DPYD: variants seen among roughly 807,000 people sequenced by gnomAD.
DPYD encodes the protein dihydropyrimidine dehydrogenase [NADP(+)].
Under a neutral mutation model 116.2 loss-of-function variants are expected in DPYD, and 109 were observed. The observed-to-expected ratio is 0.94, with a 90% CI of 0.80 to 1.10. The LOEUF is 1.10. DPYD is among the 50% of genes least tolerant of loss of function. The pLI, the probability that DPYD is intolerant of heterozygous loss-of-function variation, is 0.00. For missense variants in DPYD, 1,302 were observed against 1,254.5 expected (o/e 1.04, Z -0.57); for synonymous variants, 440 against 432.0 (o/e 1.02, Z -0.23).
rs984858263 is a variant in DPYD, at chr1:97,234,995, C to G, written c.2300-1G>C. On this transcript the variant is annotated splice_acceptor_variant, in intron 18 of 22. Transcript: ENST00000370192. LOFTEE classifies it high-confidence loss of function. Reference sequence around the variant, plus strand: ...AAAGCAATAGGTCTGATTGCTGTCCCTACACAAAATCAGAATAATCAATGG... The same window carrying G: ...AAAGCAATAGGTCTGATTGCTGTCCGTACACAAAATCAGAATAATCAATGG... 6.2e-7 allele frequency: 1 copy of G among 1,613,984 alleles called. No individual in the cohort carries two copies. Among genetic ancestry groups the G allele is most frequent in the African/African-American group, 1.3e-5 (1 of 74,914 alleles).
intron 2 of DPYD, among the ~76,000 whole-genome samples, chr1:97,832,819 T>C (rs1315549775): frequency 6.6e-6 from 1 of 152,002 alleles, no homozygotes; most frequent in Non-Finnish European, 1.5e-5. Flanking sequence ...AAAAGTATAA[T>C]GAAACAAGTA....
At chr1:97,200,739 C>A (rs905028256) in intron 19 of DPYD, among the ~76,000 whole-genome samples, 7 of 152,122 alleles carry the variant, frequency 4.6e-5, no homozygotes, top group Non-Finnish European at 8.8e-5. Flanking sequence ...GGAATTTAGA[C>A]TTTTTTTCAG....
At chr1:97,512,890 A>T (rs67124481) in intron 13 of DPYD, among the ~76,000 whole-genome samples, 3,067 of 151,954 alleles carry the variant, frequency 0.02, 126 homozygotes, top group African/African-American at 0.07. Flanking sequence ...TGTTATTTTG[A>T]AACATTCTTG....
At chr1:97,440,304 TTTAATTGCG>T (rs1675704431) in intron 14 of DPYD, among the ~76,000 whole-genome samples, 1 of 151,950 alleles carries the variant, frequency 6.6e-6, no homozygotes, top group Admixed American at 6.6e-5. Context: ...ATCTCTGCCC[TTTAATTGCG>T]GTGCTTAGAC....
At chr1:97,590,099 A>G (rs975685821) in intron 10 of DPYD, among the ~76,000 whole-genome samples, 4 of 152,166 alleles carry the variant, frequency 2.6e-5, no homozygotes, top group African/African-American at 9.7e-5. Flanking sequence ...TAGCACTGCA[A>G]TATTTTGGCT....
At chr1:97,334,792 A>G (rs536845736) in intron 16 of DPYD, among the ~76,000 whole-genome samples, 5 of 152,290 alleles carry the variant, frequency 3.3e-5, no homozygotes, top group South Asian at 2.1e-4. Context: ...GTCATTTTGG[A>G]TATCAGTGCT....
At position 97,299,839 on chromosome 1, in the gene DPYD, G is replaced by C. The variant is rs185053950; in HGVS notation, c.2299+5420C>G. On this transcript the variant is annotated intron_variant, in intron 18 of 22. Coordinates refer to ENST00000370192, the MANE Select transcript of DPYD (RefSeq NM_000110.4). ...GTCAAAAATCTATTATTAGGGCCCT[G>C]GTCTCCTGCACAGACCAACGATGGC... Among the ~76,000 whole-genome samples, 638 of 152,068 alleles carry C rather than the reference G, an allele frequency of 4.2e-3. 10 individuals are homozygous for C. The highest frequency in any genetic ancestry group is 0.015 in the African/African-American group (612 of 41,510).
chr1:97,184,493 T>G (rs1245667195), intron 20 of DPYD, among the ~76,000 whole-genome samples: 1 of 152,108 alleles, frequency 6.6e-6, no homozygotes, highest in Non-Finnish European at 1.5e-5. Flanking sequence ...AGTGTGCTTT[T>G]ATTTGCATTT....
At chr1:97,264,160 CTGTTTTTTTTT>C (rs1194455443) in intron 18 of DPYD, among the ~76,000 whole-genome samples, 19 of 49,894 alleles carry the variant, frequency 3.8e-4, no homozygotes, top group African/African-American at 1.3e-3. Context: ...TAGCAAAATT[CTGTTTTTTTTT>C]TTTTTTTTTT....
At chr1:97,307,161 T>C (rs1327093229) in intron 16 of DPYD, among the ~76,000 whole-genome samples, 1 of 151,892 alleles carries the variant, frequency 6.6e-6, no homozygotes, top group Non-Finnish European at 1.5e-5. Context: ...TTTTTTTCAT[T>C]ACTTTTAGTG....
Position 97,810,856 on chromosome 1 carries a change from G to A in DPYD, c.233+17258C>T, listed in dbSNP as rs574473581. Among the ~76,000 whole-genome samples, 187 of 152,078 alleles carry A rather than the reference G, an allele frequency of 1.2e-3. No individual in the cohort carries two copies. The Middle Eastern group carries it at 0.024, about 19-fold the overall frequency. ...TAGTATAGAGAGTATTTAGTAATAC[G>A]AAATACTCCTAGTATAAAGACAAAA... On this transcript the variant is annotated intron_variant, in intron 3 of 22. Transcript: ENST00000370192.
chr1:97,567,473 G>T (rs1652602289), intron 11 of DPYD, among the ~76,000 whole-genome samples: 1 of 152,076 alleles, frequency 6.6e-6, no homozygotes, highest in African/African-American at 2.4e-5. Context: ...TGAGCAGAAA[G>T]AAAATGTAAG....
intron 20 of DPYD, among the ~76,000 whole-genome samples, chr1:97,160,897 T>C (rs1335279517): frequency 6.6e-6 from 1 of 152,170 alleles, no homozygotes; most frequent in Non-Finnish European, 1.5e-5. Flanking sequence ...CTTGAGTTAA[T>C]TTTTCAAGTA....
At position 97,445,095 on chromosome 1, in the gene DPYD, C is replaced by T. The variant is rs142844098; in HGVS notation, c.1905+4964G>A. ...TCTCTGGCAGTTAAACAAGCACTGGCCTCAAGATAAGCAATATAAAAACAA... is the reference window on the plus strand; with the variant it reads ...TCTCTGGCAGTTAAACAAGCACTGGTCTCAAGATAAGCAATATAAAAACAA... On this transcript the variant is annotated intron_variant, in intron 14 of 22. Transcript: ENST00000370192. 7.2e-4 allele frequency among the ~76,000 whole-genome samples: 109 copies of T among 152,246 alleles called. No individual in the cohort carries two copies. In the East Asian group the frequency reaches 0.012, roughly 17 times the overall value.
chr1:97,589,502 A>G (rs1430806627), intron 10 of DPYD, among the ~76,000 whole-genome samples: 1 of 152,072 alleles, frequency 6.6e-6, no homozygotes, highest in Non-Finnish European at 1.5e-5. Flanking sequence ...CATGATCGTT[A>G]AGTTTCCTGA....
intron 10 of DPYD, among the ~76,000 whole-genome samples, chr1:97,586,813 A>C (rs571691052): frequency 6.6e-6 from 1 of 151,632 alleles, no homozygotes; most frequent in African/African-American, 2.4e-5. Context: ...GGTAGATTTT[A>C]CCTCACCAAT....
intron 14 of DPYD, among the ~76,000 whole-genome samples, chr1:97,443,536 A>G (rs1283418690): frequency 3.3e-5 from 5 of 152,208 alleles, no homozygotes; most frequent in African/African-American, 1.2e-4. Flanking sequence ...AGGACTTGAC[A>G]AGCTCAAAAA....
Position 97,752,690 on chromosome 1 carries a change from C to T in DPYD, c.234-12211G>A, listed in dbSNP as rs368552634. Among the ~76,000 whole-genome samples the T allele has an allele frequency of 1.5e-4, 23 of 152,274 alleles. No homozygotes were observed. The South Asian group carries it at 1.7e-3, about 11-fold the overall frequency. ...AAGAGCCACACTTCAAGTCTTCATCCGAACTCAGCTCAGATGTCTCCTGTG... is the reference window on the plus strand; with the variant it reads ...AAGAGCCACACTTCAAGTCTTCATCTGAACTCAGCTCAGATGTCTCCTGTG... On this transcript the variant is annotated intron_variant, in intron 3 of 22. Coordinates refer to ENST00000370192, the MANE Select transcript of DPYD (RefSeq NM_000110.4).
chr1:97,330,494 G>T (rs1668930343), intron 16 of DPYD, among the ~76,000 whole-genome samples: 2 of 152,104 alleles, frequency 1.3e-5, no homozygotes, highest in Non-Finnish European at 2.9e-5. Context: ...GTATTCAACT[G>T]CTACTCTATC....
Sources: allele counts gnomAD v4.1 joint callset (sites outside exome capture counted in the v4.1 genomes callset), GRCh38; gene constraint gnomAD v4.1.1; transcripts MANE v1.5; gene names NCBI Gene and HGNC (gene_info 2026-07-23, HGNC 2026-07-21).